Variants in FAM53B observed in about 807,000 individuals in gnomAD.
FAM53B encodes family with sequence similarity 53 member B.
A neutral mutation model predicts 32.7 loss-of-function variants in FAM53B; 12 were observed. The ratio of observed to expected loss-of-function variants is 0.37; its 90% CI spans 0.24 to 0.59. The LOEUF is 0.59. Ranked by LOEUF, FAM53B falls within the 20% of genes least tolerant of loss-of-function variation. The pLI is 0.72. For missense variants in FAM53B, 477 were observed against 577.7 expected, an observed-to-expected ratio of 0.83 and a Z score of 1.79; for synonymous variants, 234 against 228.7, an observed-to-expected ratio of 1.02 and a Z score of -0.21.
At chr10:124,674,288 A>C (rs1157729841) in intron 4 of FAM53B, among the ~76,000 whole-genome samples, 1 of 152,200 alleles carries the variant, frequency 6.6e-6, no homozygotes, top group Non-Finnish European at 1.5e-5. Flanking sequence ...TCCTTTTGCC[A>C]AATTTCTCCC....
chr10:124,685,593 G>A (rs747645937), intron 3 of FAM53B, among the ~76,000 whole-genome samples: 26 of 152,246 alleles, frequency 1.7e-4, no homozygotes, highest in Non-Finnish European at 8.8e-5. Flanking sequence ...TACAGACTGC[G>A]TCTCCGCCAG....
intron 1 of FAM53B, among the ~76,000 whole-genome samples, chr10:124,724,166 G>A (rs1364832663): frequency 2.0e-5 from 3 of 152,220 alleles, no homozygotes; most frequent in Admixed American, 6.5e-5. Flanking sequence ...AAAGATCTGG[G>A]GAGATTTCCT....
intron 4 of FAM53B, among the ~76,000 whole-genome samples, chr10:124,661,949 T>C (rs1949633643): frequency 6.6e-6 from 1 of 152,186 alleles, no homozygotes; most frequent in South Asian, 2.1e-4. Flanking sequence ...TGGGCTCCGA[T>C]CGGTGAGCCC....
intron 2 of FAM53B, among the ~76,000 whole-genome samples, chr10:124,698,912 C>A (rs1949893546): frequency 6.6e-6 from 1 of 152,238 alleles, no homozygotes; most frequent in South Asian, 2.1e-4. Context: ...CCATATGAGC[C>A]AACCTGAGTA....
Position 124,626,509 on chromosome 10 carries a change from T to C in FAM53B, c.907-2905A>G, listed in dbSNP as rs559773314. ...TAACAGAGACTGGAGGGAGCGCAGG[T>C]GCCTCTCCAGCCAGACAAGGATGTG... is the stretch of plus-strand genomic sequence containing the variant. On this transcript the variant is annotated intron_variant, in intron 4 of 4. Transcript: ENST00000337318. Among the ~76,000 whole-genome samples, 7 of 150,682 alleles carry C rather than the reference T, an allele frequency of 4.6e-5. No homozygotes were observed. In the East Asian group the frequency reaches 1.4e-3, roughly 30 times the overall value.
At chr10:124,732,630 G>A (rs1208884749) in intron 1 of FAM53B, among the ~76,000 whole-genome samples, 2 of 152,132 alleles carry the variant, frequency 1.3e-5, no homozygotes, top group African/African-American at 2.4e-5. Flanking sequence ...AGGCCCAGGC[G>A]GGGGCATCAC....
intron 2 of FAM53B, among the ~76,000 whole-genome samples, chr10:124,700,146 G>A (rs1266737334): frequency 6.6e-6 from 1 of 152,234 alleles, no homozygotes; most frequent in Non-Finnish European, 1.5e-5. Context: ...AGGCCCCAGT[G>A]TACCCTGACC....
At chr10:124,657,215 TA>T (rs1284738367) in intron 4 of FAM53B, among the ~76,000 whole-genome samples, 10 of 149,600 alleles carry the variant, frequency 6.7e-5, no homozygotes, top group African/African-American at 2.4e-4. Context: ...GTATACAGAT[TA>T]AAAGAAAGGA....
At chr10:124,676,759 A>G (rs1049842932) in intron 4 of FAM53B, among the ~76,000 whole-genome samples, 1 of 151,750 alleles carries the variant, frequency 6.6e-6, no homozygotes, top group African/African-American at 2.4e-5. Flanking sequence ...GCTCTCCTGG[A>G]CTCACCCCCA....
At chr10:124,726,343 T>C (rs910887070) in intron 1 of FAM53B, among the ~76,000 whole-genome samples, 3 of 152,178 alleles carry the variant, frequency 2.0e-5, no homozygotes, top group Non-Finnish European at 4.4e-5. Context: ...AAGATGATCC[T>C]TGGCCTTCAG....
intron 3 of FAM53B, among the ~76,000 whole-genome samples, chr10:124,686,458 T>C (rs1463906403): frequency 6.6e-6 from 1 of 152,236 alleles, no homozygotes. Context: ...GCAAAGAACA[T>C]TCCACACCTT....
chr10:124,696,275 T>C (rs1949869636), intron 2 of FAM53B, 63 bp from the exon 3 acceptor site: 1 of 1,339,362 alleles, frequency 7.5e-7, no homozygotes, highest in Admixed American at 1.7e-5. Flanking sequence ...GCACTGACTC[T>C]ACTGATCCCT....
chr10:124,629,728 C>T (rs1478399328), intron 4 of FAM53B, among the ~76,000 whole-genome samples: 1 of 152,230 alleles, frequency 6.6e-6, no homozygotes, highest in Non-Finnish European at 1.5e-5. Context: ...ACAGAAACAA[C>T]CAAGACGGCA....
At chr10:124,683,845 C>T (rs535013020) in intron 3 of FAM53B, among the ~76,000 whole-genome samples, 1 of 152,354 alleles carries the variant, frequency 6.6e-6, no homozygotes, top group South Asian at 2.1e-4. Flanking sequence ...GGACTACAAA[C>T]CTATCTCCAC....
intron 4 of FAM53B, among the ~76,000 whole-genome samples, chr10:124,636,885 A>C (rs1416055464): frequency 1.3e-5 from 2 of 151,828 alleles, no homozygotes; most frequent in Admixed American, 6.6e-5. Flanking sequence ...CCCACCAAGC[A>C]GAAGAGATGC....
At chr10:124,660,652 G>A (rs1348999067) in intron 4 of FAM53B, among the ~76,000 whole-genome samples, 1 of 152,234 alleles carries the variant, frequency 6.6e-6, no homozygotes, top group Non-Finnish European at 1.5e-5. Context: ...GCCCTATCGA[G>A]GGCCAGCTTT....
intron 1 of FAM53B, among the ~76,000 whole-genome samples, chr10:124,721,621 G>C (rs985244770): frequency 2.0e-5 from 3 of 152,258 alleles, no homozygotes; most frequent in African/African-American, 7.2e-5. Flanking sequence ...CAGTAAAGGA[G>C]TAAGACAGCT....
At chr10:124,640,011 T>C (rs1388169478) in intron 4 of FAM53B, among the ~76,000 whole-genome samples, 5 of 151,940 alleles carry the variant, frequency 3.3e-5, no homozygotes, top group South Asian at 4.2e-4. Context: ...ACCTCACTGC[T>C]ACCATAAAAT....
chr10:124,625,625 C>T (rs1030350081), intron 4 of FAM53B, among the ~76,000 whole-genome samples: 1 of 152,230 alleles, frequency 6.6e-6, no homozygotes, highest in African/African-American at 2.4e-5. Context: ...CAGCAGCTCC[C>T]AAAGCGAACC....
Sources: allele counts gnomAD v4.1 joint callset (sites outside exome capture counted in the v4.1 genomes callset), GRCh38; gene constraint gnomAD v4.1.1; transcripts MANE v1.5; gene names NCBI Gene and HGNC (gene_info 2026-07-23, HGNC 2026-07-21).